The following GALNTL6 variants were observed in gnomAD, a reference collection of about 807,000 sequenced individuals.
GALNTL6 encodes polypeptide N-acetylgalactosaminyltransferase-like 6.
In GALNTL6, 46 loss-of-function variants were observed where a neutral mutation model predicts 73.7. The ratio of observed to expected loss-of-function variants is 0.62; its 90% confidence interval spans 0.49 to 0.80. GALNTL6 has a LOEUF of 0.80. GALNTL6 is among the 30% of genes least tolerant of loss of function. The probability of loss-of-function intolerance (pLI) is 0.00; values close to 1 mark genes in which losing one functional copy is unlikely to be tolerated. For synonymous variants in GALNTL6, 259 were observed against 263.7 expected, an observed-to-expected ratio of 0.98 and a Z score of 0.17; for missense variants, 604 against 755.0, an observed-to-expected ratio of 0.80 and a Z score of 2.34.
intron 5 of GALNTL6, among the ~76,000 whole-genome samples, chr4:172,430,926 C>T (rs946294174): frequency 6.6e-6 from 1 of 152,166 alleles, no homozygotes; most frequent in Non-Finnish European, 1.5e-5. Flanking sequence ...CATAAACTAG[C>T]ACAATCTTAT....
chr4:172,763,957 TA>T (rs1353732002), intron 5 of GALNTL6, among the ~76,000 whole-genome samples: 1 of 75,142 alleles, frequency 1.3e-5, no homozygotes, highest in South Asian at 5.1e-4. Flanking sequence ...AAACAAGGTG[TA>T]TTTTTTTTTT....
At chr4:172,925,121 C>T (rs568471661) in intron 8 of GALNTL6, among the ~76,000 whole-genome samples, 81 of 151,612 alleles carry the variant, frequency 5.3e-4, no homozygotes, top group Non-Finnish European at 7.5e-4. Flanking sequence ...ATCCACCCAC[C>T]TTGGCCTCCC....
intron 7 of GALNTL6, among the ~76,000 whole-genome samples, chr4:172,865,611 T>C (rs766778857): frequency 2.0e-5 from 3 of 152,250 alleles, no homozygotes; most frequent in Non-Finnish European, 2.9e-5. Context: ...TTGCAAACTT[T>C]TAAAATATAC....
At chr4:171,876,639 C>T (rs947155089) in intron 2 of GALNTL6, among the ~76,000 whole-genome samples, 1 of 152,164 alleles carries the variant, frequency 6.6e-6, no homozygotes, top group African/African-American at 2.4e-5. Context: ...GGATAATCAG[C>T]CTCACCAAGT....
At chr4:172,867,853 T>A (rs568405479) in intron 7 of GALNTL6, among the ~76,000 whole-genome samples, 2 of 152,220 alleles carry the variant, frequency 1.3e-5, no homozygotes, top group Non-Finnish European at 2.9e-5. Flanking sequence ...AATATGGTTA[T>A]CTGAACCATC....
intron 2 of GALNTL6, among the ~76,000 whole-genome samples, chr4:171,942,782 C>A (rs1464967914): frequency 6.6e-6 from 1 of 152,172 alleles, no homozygotes; most frequent in Non-Finnish European, 1.5e-5. Flanking sequence ...TGCTCAATTA[C>A]GAATGGGTCA....
intron 9 of GALNTL6, among the ~76,000 whole-genome samples, chr4:172,937,093 A>T (rs1384151377): frequency 1.3e-5 from 2 of 151,976 alleles, no homozygotes; most frequent in Admixed American, 1.3e-4. Context: ...GGACCTGTGG[A>T]GTTAGCCTTG....
intron 2 of GALNTL6, among the ~76,000 whole-genome samples, chr4:171,987,556 G>A (rs900457355): frequency 1.3e-5 from 2 of 152,204 alleles, no homozygotes; most frequent in Non-Finnish European, 2.9e-5. Flanking sequence ...GCCAGTCCTG[G>A]GCGGGGGCAA....
At chr4:172,782,399 C>T (rs1579474698) in intron 5 of GALNTL6, among the ~76,000 whole-genome samples, 1 of 152,148 alleles carries the variant, frequency 6.6e-6, no homozygotes, top group Non-Finnish European at 1.5e-5. Flanking sequence ...TCTATTGCTA[C>T]CTTTCACCTC....
At chr4:172,019,462 A>G (rs1442939017) in intron 2 of GALNTL6, among the ~76,000 whole-genome samples, 1 of 152,150 alleles carries the variant, frequency 6.6e-6, no homozygotes, top group East Asian at 1.9e-4. Flanking sequence ...CTGACAATAA[A>G]GGAATGGAAA....
rs550780407 is a variant in GALNTL6 at position 172,311,532 on chromosome 4, C to T, written c.248-82C>T. 64 of 1,186,466 alleles carry T rather than the reference C, an allele frequency of 5.4e-5. No individual in the cohort carries two copies. The African/African-American group carries it at 9.1e-4, about 17-fold the overall frequency. 73.5% of individuals were successfully genotyped at this position (1,186,466 alleles called of 1,614,324 possible). A position where few individuals can be genotyped will look rare whatever the true frequency, so the allele number is the denominator to read the frequency against. On this transcript the variant is annotated intron_variant, in intron 3 of 12. Transcript: ENST00000506823. ...CAGAGCACAGCAATAGGCGATAATACACATTCCAGTCTTCCTATCTGTTCT... is the reference window on the plus strand; with the variant it reads ...CAGAGCACAGCAATAGGCGATAATATACATTCCAGTCTTCCTATCTGTTCT...
chr4:172,782,780 A>T (rs1426455245), intron 5 of GALNTL6, among the ~76,000 whole-genome samples: 1 of 152,090 alleles, frequency 6.6e-6, no homozygotes, highest in Non-Finnish European at 1.5e-5. Flanking sequence ...TACAGCACAG[A>T]AGGAAGAAAA....
Position 173,033,884 on chromosome 4 carries a change from C to G in GALNTL6, c.1639-6049C>G, listed in dbSNP as rs149356407. 3.5e-3 allele frequency among the ~76,000 whole-genome samples: 527 copies of G among 152,234 alleles called. 4 individuals are homozygous for G. The highest frequency in any genetic ancestry group is 0.02 in the Middle Eastern group (6 of 294). The stretch of plus-strand genomic sequence containing the variant: ...TGGAAATTGATAGGAGGGGGTAACT[C>G]GAGTCTCCCAACTTGACACAGAGGA... On this transcript the variant is annotated intron_variant, in intron 12 of 12. Coordinates refer to ENST00000506823, the MANE Select transcript of GALNTL6 (RefSeq NM_001034845.3).
intron 2 of GALNTL6, among the ~76,000 whole-genome samples, chr4:172,057,718 AAAAAAAAAAATAT>A (rs1228143944): frequency 3.1e-3 from 260 of 82,898 alleles, no homozygotes; most frequent in South Asian, 9.4e-3. Flanking sequence ...AAAAAAAAAA[AAAAAAAAAAATAT>A]ATATATATAT....
At chr4:171,859,005 A>C (rs1397584005) in intron 2 of GALNTL6, among the ~76,000 whole-genome samples, 1 of 152,202 alleles carries the variant, frequency 6.6e-6, no homozygotes, top group Non-Finnish European at 1.5e-5. Flanking sequence ...CCGGCTTCTC[A>C]TATGTAAGCT....
chr4:172,606,647 A>G (rs1579235976), intron 5 of GALNTL6, among the ~76,000 whole-genome samples: 1 of 38,990 alleles, frequency 2.6e-5, no homozygotes, highest in Admixed American at 4.3e-4. Context: ...TATACTATAT[A>G]TATAGTATAT....
intron 3 of GALNTL6, chr4:172,266,099 T>A (rs1009402807): frequency 2.0e-5 from 3 of 152,084 alleles, no homozygotes; most frequent in Non-Finnish European, 4.4e-5. Flanking sequence ...AGAATTGGAA[T>A]GATTATAAAA....
chr4:172,822,425 C>T lies in GALNTL6; in HGVS notation c.923+8702C>T, dbSNP rs574501216. On this transcript the variant is annotated intron_variant, in intron 7 of 12. Coordinates refer to ENST00000506823, the MANE Select transcript of GALNTL6 (RefSeq NM_001034845.3). Reference sequence around the variant, plus strand: ...TCATCCATCCTGAAAGAGGTGTTCACTCTTGCATACCAGCCACTCAGGACC... The same window carrying T: ...TCATCCATCCTGAAAGAGGTGTTCATTCTTGCATACCAGCCACTCAGGACC... 1.0e-3 allele frequency among the ~76,000 whole-genome samples: 152 copies of T among 152,316 alleles called. 1 individual carries two copies. The highest frequency in any genetic ancestry group is 3.5e-3 in the African/African-American group (144 of 41,576).
At chr4:172,463,049 A>G (rs995366601) in intron 5 of GALNTL6, among the ~76,000 whole-genome samples, 3 of 152,160 alleles carry the variant, frequency 2.0e-5, no homozygotes, top group Non-Finnish European at 4.4e-5. Flanking sequence ...GATATCTAAA[A>G]CCTGATTTGG....
Sources: allele counts gnomAD v4.1 joint callset (sites outside exome capture counted in the v4.1 genomes callset), GRCh38; gene constraint gnomAD v4.1.1; transcripts MANE v1.5; gene names NCBI Gene and HGNC (gene_info 2026-07-23, HGNC 2026-07-21).